The following CPNE8 variants were observed in gnomAD, a reference collection of about 807,000 sequenced individuals.
CPNE8 encodes the protein copine-8.
A neutral mutation model predicts 81.5 loss-of-function variants in CPNE8; 45 were observed. That is an observed-to-expected ratio of 0.55 (90% CI 0.44 to 0.71). The LOEUF (loss-of-function observed/expected upper bound fraction) is 0.71. CPNE8 is among the 30% of genes least tolerant of loss of function. The pLI, the probability that CPNE8 is intolerant of heterozygous loss-of-function variation, is 0.00. For missense variants in CPNE8, 594 were observed against 672.1 expected, an observed-to-expected ratio of 0.88 and a Z score of 1.28; for synonymous variants, 252 against 226.3, an observed-to-expected ratio of 1.11 and a Z score of -1.02.
rs1938763423 is a variant in CPNE8, at chr12:38,654,017, C to T, written c.1560G>A (p.Met520Ile). 6.2e-7 allele frequency: 1 copy of T among 1,613,470 alleles called. No homozygotes were observed. Among genetic ancestry groups the T allele is most frequent in the Non-Finnish European group, 8.5e-7 (1 of 1,179,860 alleles). Residue 520 changes from methionine (M) to isoleucine (I), a missense_variant, in exon 20 of 20, where the codon ATG (methionine) becomes ATA (isoleucine). Physicochemically the swap from Met to Ile is conservative, Grantham distance 10 (BLOSUM62 1). Transcript: ENST00000331366. Reference protein sequence around the residue: ...IDRSGNHILSMARLAKDVLAE... With the variant: ...IDRSGNHILSIARLAKDVLAE... ...CTAGGACATCTTTAGCCAATCTAGC[C>T]ATGCTCAGTATGTGGTTTCCACTTC...
chr12:38,905,364 C>A (rs1944553267), intron 1 of CPNE8, 73 bp downstream of exon 1: 5 of 1,503,760 alleles, frequency 3.3e-6, no homozygotes, highest in African/African-American at 1.4e-5. Flanking sequence ...CTCGTGGTAC[C>A]CCGAGCGCTC....
At chr12:38,776,118 G>C (rs73273188) in intron 7 of CPNE8, 120 bp downstream of exon 7, 1 of 419,590 alleles carries the variant, frequency 2.4e-6, no homozygotes, top group African/African-American at 2.1e-5. Context: ...TATTTTATGG[G>C]TTATAAAATT....
intron 6 of CPNE8, among the ~76,000 whole-genome samples, chr12:38,821,895 T>C (rs1943115677): frequency 6.6e-6 from 1 of 152,220 alleles, no homozygotes; most frequent in African/African-American, 2.4e-5. Context: ...TTCGATTATA[T>C]GTAAACCTCA....
chr12:38,878,983 GACA>G (rs1391496719), intron 1 of CPNE8, among the ~76,000 whole-genome samples: 1 of 152,012 alleles, frequency 6.6e-6, no homozygotes, highest in South Asian at 2.1e-4. Context: ...ATTCAGCTAC[GACA>G]ACAACAACAA....
intron 6 of CPNE8, among the ~76,000 whole-genome samples, chr12:38,805,622 T>C (rs1942778711): frequency 9.7e-6 from 1 of 103,072 alleles, no homozygotes; most frequent in Non-Finnish European, 2.0e-5. Context: ...GTAACTAACC[T>C]GCACAATGTG....
At chr12:38,812,809 G>T (rs1339447896) in intron 6 of CPNE8, among the ~76,000 whole-genome samples, 1 of 152,114 alleles carries the variant, frequency 6.6e-6, no homozygotes, top group Non-Finnish European at 1.5e-5. Context: ...TTGCCTTTCT[G>T]CCTTCTTCAA....
At chr12:38,739,983 A>G (rs1941054581) in intron 10 of CPNE8, among the ~76,000 whole-genome samples, 1 of 152,204 alleles carries the variant, frequency 6.6e-6, no homozygotes, top group Admixed American at 6.5e-5. Context: ...ACATAACACC[A>G]GGGATATGTT....
intron 1 of CPNE8, among the ~76,000 whole-genome samples, chr12:38,900,638 C>T (rs540261705): frequency 6.6e-6 from 1 of 152,248 alleles, no homozygotes; most frequent in South Asian, 2.1e-4. Context: ...AGAGCAGCAC[C>T]TGTGTAGCCA....
At chr12:38,660,595 C>G (rs1263673248) in intron 19 of CPNE8, among the ~76,000 whole-genome samples, 1 of 152,122 alleles carries the variant, frequency 6.6e-6, no homozygotes, top group Non-Finnish European at 1.5e-5. Context: ...GCAATGGTAA[C>G]ACAAGCCAAA....
intron 3 of CPNE8, among the ~76,000 whole-genome samples, chr12:38,863,492 C>A (rs1312094173): frequency 6.6e-6 from 1 of 152,094 alleles, no homozygotes; most frequent in Non-Finnish European, 1.5e-5. Flanking sequence ...ATCTTAACAA[C>A]AAAAGCTACA....
intron 11 of CPNE8, among the ~76,000 whole-genome samples, chr12:38,727,747 A>G (rs1206525811): frequency 1.3e-5 from 2 of 152,200 alleles, no homozygotes; most frequent in Non-Finnish European, 1.5e-5. Flanking sequence ...GAAGATCTAG[A>G]GAATGAGATG....
At chr12:38,846,572 T>C (rs890228988) in intron 4 of CPNE8, among the ~76,000 whole-genome samples, 15 of 152,140 alleles carry the variant, frequency 9.9e-5, no homozygotes, top group African/African-American at 3.6e-4. Flanking sequence ...TTGTGGAAAA[T>C]TCAATTCTTG....
At position 38,679,174 on chromosome 12, in the gene CPNE8, C is replaced by A. The variant is rs533125787; in HGVS notation, c.1272-1620G>T. On this transcript the variant is annotated intron_variant, in intron 16 of 19. Transcript: ENST00000331366. ...TAAGTACAACAGTATAGCTTTTATGCTTTTCTTACCAAATGGTACTCTCAA... is the reference window on the plus strand; with the variant it reads ...TAAGTACAACAGTATAGCTTTTATGATTTTCTTACCAAATGGTACTCTCAA... Among the ~76,000 whole-genome samples the A allele has an allele frequency of 2.0e-5, 3 of 151,798 alleles. 1 individual carries two copies. In the South Asian group the frequency reaches 6.2e-4, roughly 31 times the overall value.
At chr12:38,837,508 A>G (rs1485897385) in intron 5 of CPNE8, among the ~76,000 whole-genome samples, 2 of 152,122 alleles carry the variant, frequency 1.3e-5, no homozygotes, top group African/African-American at 2.4e-5. Flanking sequence ...AGCTCTCCCA[A>G]AAACAGTTTA....
rs1565669813 is a variant in CPNE8 at position 38,902,270 on chromosome 12, A to AAGAAAGAAAAAAGAAAGAAAGAAAAAG, written c.98+3166_98+3167insCTTTTTCTTTCTTTCTTTTTTCTTTCT. Among the ~76,000 whole-genome samples, 36 of 117,432 alleles carry AAGAAAGAAAAAAGAAAGAAAGAAAAAG rather than the reference A, an allele frequency of 3.1e-4. 1 individual carries two copies. The highest frequency in any genetic ancestry group is 1.3e-3 in the African/African-American group (31 of 24,746). 77.0% of individuals were successfully genotyped at this position (117,432 alleles called of 152,430 possible). ...GAAAGAAAGAAAAAAGAAAGAAAGA[A>AAGAAAGAAAAAAGAAAGAAAGAAAAAG]AAAGAAAAGAAAGAAGGAAGGAAGG... On this transcript the variant is annotated intron_variant, in intron 1 of 19. Transcript: ENST00000331366.
chr12:38,701,040 A>AT (rs1330077868), intron 14 of CPNE8, among the ~76,000 whole-genome samples: 1 of 152,102 alleles, frequency 6.6e-6, no homozygotes, highest in Non-Finnish European at 1.5e-5. Flanking sequence ...ATGTTATTTG[A>AT]TTTTTTAGTA....
chr12:38,693,691 G>A lies in CPNE8; in HGVS notation c.1109C>T (p.Pro370Leu), dbSNP rs1398080352. 2.0e-5 allele frequency: 33 copies of A among 1,611,418 alleles called. No homozygotes were observed. The highest frequency in any genetic ancestry group is 2.8e-5 in the Non-Finnish European group (33 of 1,179,142). The change falls in exon 15 of 20, where the codon CCT becomes CTT. Residue 370 changes from proline (P) to leucine (L), a missense_variant. Coordinates refer to ENST00000331366, the MANE Select transcript of CPNE8 (RefSeq NM_153634.3). ...FPALGFGAKLPPDGRISHEFA... is the reference protein window; with the variant it reads ...FPALGFGAKLLPDGRISHEFA... ...TTCGTGAGATATCCTTCCATCTGGA[G>A]GCAGTTTTGCACCAAATCCTAGAGC... is the stretch of plus-strand genomic sequence containing the variant.
intron 10 of CPNE8, among the ~76,000 whole-genome samples, chr12:38,753,632 A>C (rs949990830): frequency 6.6e-6 from 1 of 152,222 alleles, no homozygotes; most frequent in African/African-American, 2.4e-5. Context: ...TTATAATTAC[A>C]GAAGTCTCCC....
intron 1 of CPNE8, among the ~76,000 whole-genome samples, chr12:38,881,224 AAG>A (rs1944153123): frequency 6.6e-6 from 1 of 152,074 alleles, no homozygotes; most frequent in Non-Finnish European, 1.5e-5. Context: ...AAAAAAAAAA[AAG>A]AAATATTTTA....
Sources: gnomAD v4.1 joint callset for allele counts (sites outside exome capture counted in the v4.1 genomes callset) on GRCh38, gnomAD v4.1.1 for gene constraint, MANE v1.5 for transcripts, NCBI Gene and HGNC (gene_info 2026-07-23, HGNC 2026-07-21) for gene names.